RUBCNL: variants seen among roughly 807,000 people sequenced by gnomAD.
The protein encoded by RUBCNL is rubicon like autophagy enhancer, also known as protein associated with UVRAG as autophagy enhancer.
In RUBCNL, 62 loss-of-function variants were observed where a neutral mutation model predicts 69.5. The ratio of observed to expected loss-of-function variants is 0.89; its 90% confidence interval spans 0.73 to 1.10. RUBCNL has a LOEUF of 1.10. Among genes scored for constraint, RUBCNL ranks in the 50% least tolerant of loss-of-function variants. RUBCNL has a pLI of 0.00. For missense variants in RUBCNL, 768 were observed against 798.1 expected (o/e 0.96, Z 0.45); for synonymous variants, 291 against 303.6 (o/e 0.96, Z 0.43).
Position 46,381,731 on chromosome 13 carries a change from C to T in RUBCNL, c.-238-3726G>A, listed in dbSNP as rs150644665. ...CAGAGTAGCTGGGATTACAGGCATG[C>T]GCCACCACGCCCGGCAATTTTTGTA... On this transcript the variant is annotated intron_variant, in intron 1 of 14. Coordinates refer to ENST00000429979, the MANE Select transcript of RUBCNL (RefSeq NM_025113.5). 8.0e-3 allele frequency among the ~76,000 whole-genome samples: 1,210 copies of T among 152,190 alleles called. 21 individuals are homozygous for T. The highest frequency in any genetic ancestry group is 0.027 in the African/African-American group (1,137 of 41,498).
intron 12 of RUBCNL, among the ~76,000 whole-genome samples, chr13:46,346,943 G>A (rs1381454981): frequency 6.6e-6 from 1 of 152,108 alleles, no homozygotes; most frequent in Admixed American, 6.5e-5. Flanking sequence ...TGGTATTAAT[G>A]TAAGTACTGC....
upstream of RUBCNL, among the ~76,000 whole-genome samples, chr13:46,388,646 T>C (rs1414115655): frequency 6.6e-6 from 1 of 152,222 alleles, no homozygotes; most frequent in African/African-American, 2.4e-5. Flanking sequence ...CTGCCTGCAC[T>C]GGTAATGACA....
chr13:46,351,179 T>C (rs2048361672), intron 10 of RUBCNL, among the ~76,000 whole-genome samples: 1 of 152,022 alleles, frequency 6.6e-6, no homozygotes, highest in Non-Finnish European at 1.5e-5. Context: ...GCAGGAGGAT[T>C]GCTTGAAGGT....
At chr13:46,345,715 T>A in intron 12 of RUBCNL, 115 bp from the exon 13 acceptor site, 2 of 1,004,252 alleles carry the variant, frequency 2.0e-6, no homozygotes, top group African/African-American at 1.6e-5. Flanking sequence ...TAACTCAATT[T>A]AAAAAATAAA....
At chr13:46,356,393 C>T (rs1188212919) in intron 10 of RUBCNL, 39 bp downstream of exon 10, 1 of 1,602,626 alleles carries the variant, frequency 6.2e-7, no homozygotes, top group Non-Finnish European at 8.5e-7. Context: ...TGGACCTTGT[C>T]ATCACATCAT....
chr13:46,387,380 G>A (rs1056021617), upstream of RUBCNL: 2 of 985,358 alleles, frequency 2.0e-6, no homozygotes, highest in African/African-American at 3.5e-5. Flanking sequence ...CCCGCCGCAG[G>A]CACCGAGACG....
chr13:46,381,461 A>G (rs1373755863), intron 1 of RUBCNL, among the ~76,000 whole-genome samples: 2 of 152,208 alleles, frequency 1.3e-5, no homozygotes, highest in Non-Finnish European at 2.9e-5. Context: ...TGGGATGGGA[A>G]CAGCTAAAGG....
At chr13:46,362,426 A>C (rs761622496) in intron 7 of RUBCNL, 112 bp downstream of exon 7, 15 of 562,952 alleles carry the variant, frequency 2.7e-5, no homozygotes, top group Admixed American at 1.1e-4. Flanking sequence ...TCATGGGAAC[A>C]AATCACTGGA....
chr13:46,348,647 A>G (rs2138685016), intron 12 of RUBCNL, among the ~76,000 whole-genome samples: 1 of 145,266 alleles, frequency 6.9e-6, no homozygotes, highest in Non-Finnish European at 1.5e-5. Context: ...TTCTGTCTCT[A>G]GGCTGGAGTT....
At chr13:46,349,167 C>T (rs1464033118) in intron 12 of RUBCNL, 119 bp downstream of exon 12, 2 of 785,156 alleles carry the variant, frequency 2.5e-6, no homozygotes, top group East Asian at 5.3e-5. Flanking sequence ...CCAAGGAAAG[C>T]CATGAGGTCA....
chr13:46,386,415 C>A lies in RUBCNL; in HGVS notation c.-239+719G>T, dbSNP rs1594192870. Among the ~76,000 whole-genome samples, 3 of 152,174 alleles carry A rather than the reference C, an allele frequency of 2.0e-5. No homozygotes were observed. The East Asian group carries it at 5.8e-4, about 29-fold the overall frequency. ...CCAGTAAGGGCAGCTCTTGAGTATACCTTTTCCTTTGAGTCTTAATTTTCA... is the reference window on the plus strand; with the variant it reads ...CCAGTAAGGGCAGCTCTTGAGTATAACTTTTCCTTTGAGTCTTAATTTTCA... On this transcript the variant is annotated intron_variant, in intron 1 of 14. Coordinates refer to ENST00000429979, the MANE Select transcript of RUBCNL (RefSeq NM_025113.5).
intron 10 of RUBCNL, among the ~76,000 whole-genome samples, chr13:46,354,191 T>C (rs1376967658): frequency 6.6e-6 from 1 of 152,148 alleles, no homozygotes; most frequent in Non-Finnish European, 1.5e-5. Flanking sequence ...TGTGTGGAAA[T>C]TGAAGGAGAC....
intron 3 of RUBCNL, among the ~76,000 whole-genome samples, chr13:46,370,470 G>C (rs906596009): frequency 5.3e-5 from 8 of 152,200 alleles, no homozygotes; most frequent in African/African-American, 1.7e-4. Context: ...CTCCGCACCA[G>C]AGAAAGAAAG....
rs528069578 is a variant in RUBCNL at position 46,359,282 on chromosome 13, G to A, written c.1265+204C>T. Among the ~76,000 whole-genome samples the A allele has an allele frequency of 3.3e-4, 50 of 149,728 alleles. 1 individual carries two copies. Among genetic ancestry groups the A allele is most frequent in the Middle Eastern group, 3.4e-3 (1 of 290 alleles). On this transcript the variant is annotated intron_variant, in intron 9 of 14. Transcript: ENST00000429979. ...AATTCTCAACTTGTCAAAACTTACA[G>A]AGCCCCCAAAAGTCCATGGTAAACA...
chr13:46,343,443 C>A lies in RUBCNL; in HGVS notation c.1931G>T (p.Cys644Phe), dbSNP rs1449326427. The change falls in exon 15 of 15, where the codon TGT becomes TTT. Residue 644 changes from cysteine to phenylalanine, a missense_variant. Transcript: ENST00000429979. ...TTTTCTCCTCGCTGTGATCCTCGCACACCGGGGGCACTCGGAGGACTGGAA... is the reference window on the plus strand; with the variant it reads ...TTTTCTCCTCGCTGTGATCCTCGCAAACCGGGGGCACTCGGAGGACTGGAA... Reference protein sequence around the residue: ...QCFQSSECPRCARITARRKLL... With the variant: ...QCFQSSECPRFARITARRKLL... 1 of 1,613,856 alleles carries A rather than the reference C, an allele frequency of 6.2e-7. No individual in the cohort carries two copies. Among genetic ancestry groups the A allele is most frequent in the Admixed American group, 1.7e-5 (1 of 60,006 alleles).
At chr13:46,369,092 G>A (rs2048824297) in intron 3 of RUBCNL, among the ~76,000 whole-genome samples, 1 of 152,216 alleles carries the variant, frequency 6.6e-6, no homozygotes, top group Non-Finnish European at 1.5e-5. Flanking sequence ...AGGGTAGAAA[G>A]AGAATAGGGT....
chr13:46,361,429 T>C lies in RUBCNL; in HGVS notation c.1119+12A>G, dbSNP rs747972611. On this transcript the variant is annotated intron_variant, in intron 8 of 14. Coordinates refer to ENST00000429979, the MANE Select transcript of RUBCNL (RefSeq NM_025113.5). ...AACTTTCAATTCAAGGTCAATTTTT[T>C]TTGATACTTACTATCGAGCCAGCTG... The C allele has an allele frequency of 3.1e-6, 5 of 1,612,682 alleles. No homozygotes were observed. In the African/African-American group the frequency reaches 6.7e-5, roughly 22 times the overall value.
rs1377558270 is a variant in RUBCNL, at chr13:46,338,061, A to G, written c.*5324T>C. Among the ~76,000 whole-genome samples the G allele has an allele frequency of 6.6e-6, 1 of 152,194 alleles. No homozygotes were observed. ...TATCAGAGTGTAAGGAGAAGGGAGC[A>G]TGTGTGTGCACGTGCAGTACGCTGA... On this transcript the variant is annotated 3_prime_UTR_variant, in exon 15 of 15. Transcript: ENST00000429979.
At chr13:46,372,689 AG>A in intron 2 of RUBCNL, 92 bp from the exon 3 acceptor site, 1 of 1,222,148 alleles carries the variant, frequency 8.2e-7, no homozygotes, top group Non-Finnish European at 1.1e-6. Context: ...CAAAAAATTT[AG>A]AAGTCTGTAC....
Sources: allele counts gnomAD v4.1 joint callset (sites outside exome capture counted in the v4.1 genomes callset), GRCh38; gene constraint gnomAD v4.1.1; transcripts MANE v1.5; gene names NCBI Gene and HGNC (gene_info 2026-07-23, HGNC 2026-07-21).